Variants in PRKG1 observed in about 807,000 individuals in gnomAD.
PRKG1 encodes protein kinase cGMP-dependent 1, also known as cGMP-dependent protein kinase 1.
In PRKG1, 35 loss-of-function variants were observed where a neutral mutation model predicts 88.1. The observed-to-expected ratio is 0.40, with a 90% CI of 0.30 to 0.53. The LOEUF (loss-of-function observed/expected upper bound fraction) is 0.53, where lower values mean the gene tolerates loss of function less well. Among genes scored for constraint, PRKG1 ranks in the 20% least tolerant of loss-of-function variants. The probability of loss-of-function intolerance (pLI) is 0.59; values close to 1 mark genes in which losing one functional copy is unlikely to be tolerated. For missense variants in PRKG1, 540 were observed against 839.8 expected (o/e 0.64, Z 4.41); for synonymous variants, 303 against 292.5 (o/e 1.04, Z -0.37).
rs531003183 is a variant in PRKG1, at chr10:51,202,244, G to A, written c.478+48914G>A. ...ACTCCTCTACACAGATGATCCATGGGCAATGACTGACTGATGTAATGTGTA... is the reference window on the plus strand; with the variant it reads ...ACTCCTCTACACAGATGATCCATGGACAATGACTGACTGATGTAATGTGTA... On this transcript the variant is annotated intron_variant, in intron 2 of 17. Transcript: ENST00000373980. 7.2e-5 allele frequency among the ~76,000 whole-genome samples: 11 copies of A among 152,304 alleles called. No individual in the cohort carries two copies. The South Asian group carries it at 1.2e-3, about 17-fold the overall frequency.
chr10:52,112,759 G>A (rs1262937852), intron 7 of PRKG1, among the ~76,000 whole-genome samples: 1 of 152,126 alleles, frequency 6.6e-6, no homozygotes, highest in Non-Finnish European at 1.5e-5. Context: ...CCTCTAAGCA[G>A]CTGTAAGCAT....
intron 2 of PRKG1, among the ~76,000 whole-genome samples, chr10:51,341,758 G>A (rs1842008558): frequency 6.6e-6 from 1 of 152,098 alleles, no homozygotes; most frequent in Non-Finnish European, 1.5e-5. Flanking sequence ...ATTGAGACTG[G>A]GTAATTTATA....
chr10:52,276,378 A>G (rs1841875074), intron 12 of PRKG1, among the ~76,000 whole-genome samples: 1 of 152,242 alleles, frequency 6.6e-6, no homozygotes, highest in South Asian at 2.1e-4. Flanking sequence ...TCAGGTTCAT[A>G]CACTCACTGA....
intron 3 of PRKG1, among the ~76,000 whole-genome samples, chr10:51,702,870 C>T (rs549295576): frequency 1.3e-5 from 2 of 151,844 alleles, no homozygotes. Context: ...ATTTTTTGTG[C>T]GTTTTGTAGA....
chr10:51,322,751 A>G (rs531143271), intron 2 of PRKG1, among the ~76,000 whole-genome samples: 4 of 152,332 alleles, frequency 2.6e-5, no homozygotes, highest in African/African-American at 9.6e-5. Flanking sequence ...ATCAAATTAG[A>G]TACAGCACTA....
chr10:51,654,251 T>A (rs1840109280), intron 3 of PRKG1, among the ~76,000 whole-genome samples: 1 of 152,206 alleles, frequency 6.6e-6, no homozygotes, highest in Non-Finnish European at 1.5e-5. Context: ...TTCTGGATAT[T>A]CAATTTCCCC....
intron 5 of PRKG1, among the ~76,000 whole-genome samples, chr10:51,994,748 C>T (rs1301959205): frequency 6.6e-6 from 1 of 152,090 alleles, no homozygotes; most frequent in African/African-American, 2.4e-5. Flanking sequence ...TTGAAACATG[C>T]CTGCTGAGCT....
At chr10:51,219,446 A>G (rs1054614702) in intron 2 of PRKG1, among the ~76,000 whole-genome samples, 1 of 152,108 alleles carries the variant, frequency 6.6e-6, no homozygotes, top group African/African-American at 2.4e-5. Flanking sequence ...GCAGTGGCTC[A>G]CACCTGTAAT....
intron 3 of PRKG1, among the ~76,000 whole-genome samples, chr10:51,703,451 T>C (rs574111354): frequency 6.0e-4 from 92 of 152,198 alleles, no homozygotes; most frequent in Non-Finnish European, 1.0e-3. Context: ...ATTTTGTTTT[T>C]CTTTGGATAT....
intron 4 of PRKG1, among the ~76,000 whole-genome samples, chr10:51,810,333 T>C (rs9787480): frequency 0.45 from 68,543 of 152,030 alleles, 17,807 homozygotes; most frequent in Non-Finnish European, 0.59. Context: ...ACCAGAAGGG[T>C]AAATCTTTGC....
intron 5 of PRKG1, among the ~76,000 whole-genome samples, chr10:51,916,736 A>T (rs1474912818): frequency 2.6e-5 from 4 of 152,210 alleles, no homozygotes; most frequent in Non-Finnish European, 4.4e-5. Flanking sequence ...TGATAGCATT[A>T]TTATTCATGA....
intron 7 of PRKG1, among the ~76,000 whole-genome samples, chr10:52,122,459 T>A (rs192204116): frequency 6.6e-6 from 1 of 152,356 alleles, no homozygotes; most frequent in Admixed American, 6.5e-5. Flanking sequence ...AAACTTATCT[T>A]TCACCTATTA....
At chr10:51,800,680 T>A (rs982967653) in intron 3 of PRKG1, among the ~76,000 whole-genome samples, 1 of 152,088 alleles carries the variant, frequency 6.6e-6, no homozygotes, top group Non-Finnish European at 1.5e-5. Flanking sequence ...TTATTTCTCA[T>A]AGTTCTGGAG....
At chr10:51,880,022 C>T (rs1046459451) in intron 4 of PRKG1, among the ~76,000 whole-genome samples, 1 of 152,204 alleles carries the variant, frequency 6.6e-6, no homozygotes, top group African/African-American at 2.4e-5. Flanking sequence ...CAGTACCAGC[C>T]TGCACATCCA....
At chr10:51,709,004 C>G (rs1034443508) in intron 3 of PRKG1, among the ~76,000 whole-genome samples, 1 of 152,198 alleles carries the variant, frequency 6.6e-6, no homozygotes, top group Non-Finnish European at 1.5e-5. Context: ...GTTAAAAGGG[C>G]TGTTTTGAGC....
chr10:51,314,117 G>C (rs1841260817), intron 2 of PRKG1, among the ~76,000 whole-genome samples: 1 of 152,100 alleles, frequency 6.6e-6, no homozygotes, highest in Non-Finnish European at 1.5e-5. Context: ...TTAATACACA[G>C]ATATATTTGT....
intron 1 of PRKG1, among the ~76,000 whole-genome samples, chr10:50,995,523 G>T (rs1201735010): frequency 6.6e-6 from 1 of 152,160 alleles, no homozygotes; most frequent in African/African-American, 2.4e-5. Context: ...TGATGGTGAT[G>T]ATATTTTACA....
intron 1 of PRKG1, among the ~76,000 whole-genome samples, chr10:51,140,318 T>C (rs1360950082): frequency 2.0e-5 from 3 of 152,244 alleles, no homozygotes; most frequent in Non-Finnish European, 4.4e-5. Context: ...AGAACACAGA[T>C]ACTGTTTATT....
intron 5 of PRKG1, among the ~76,000 whole-genome samples, chr10:51,973,965 T>A (rs1843768973): frequency 6.6e-6 from 1 of 152,012 alleles, no homozygotes; most frequent in East Asian, 1.9e-4. Context: ...TTATATGAAA[T>A]TTAAATTTGA....
Sources: allele counts gnomAD v4.1 joint callset (sites outside exome capture counted in the v4.1 genomes callset), GRCh38; gene constraint gnomAD v4.1.1; transcripts MANE v1.5; gene names NCBI Gene and HGNC (gene_info 2026-07-23, HGNC 2026-07-21).